The following ABTB2 variants were observed in gnomAD, a reference collection of about 807,000 sequenced individuals.
ABTB2 encodes ankyrin repeat and BTB/POZ domain-containing protein 2.
In ABTB2, 56 loss-of-function variants were observed where a neutral mutation model predicts 104.1. The observed-to-expected ratio is 0.54, with a 90% CI of 0.43 to 0.67. ABTB2 has a LOEUF of 0.67. Ranked by LOEUF, ABTB2 falls within the 30% of genes least tolerant of loss-of-function variation. The probability of loss-of-function intolerance (pLI) is 0.00; values close to 1 mark genes in which losing one functional copy is unlikely to be tolerated. For synonymous variants in ABTB2, 606 were observed against 608.2 expected, an observed-to-expected ratio of 1.00 and a Z score of 0.05; for missense variants, 1,279 against 1,407.7, an observed-to-expected ratio of 0.91 and a Z score of 1.46.
At chr11:34,173,577 G>A (rs1165275206) in intron 3 of ABTB2, among the ~76,000 whole-genome samples, 2 of 152,138 alleles carry the variant, frequency 1.3e-5, no homozygotes, top group Non-Finnish European at 2.9e-5. Context: ...TGCTCACAGA[G>A]ACCCCGACTA....
chr11:34,357,082 A>T lies in ABTB2; in HGVS notation c.502T>A (p.Trp168Arg). ...VQSAVRLVHS[W>R]ALAESCALAA... ...AGCGCGCAGCTCTCGGCCAGCGCCC[A>T]GCTGTGCACCAGGCGCACGGCGCTC... The change falls in exon 1 of 17, where the codon TGG (tryptophan) becomes AGG (arginine). Residue 168 changes from tryptophan to arginine, a missense_variant. Coordinates refer to ENST00000435224, the MANE Select transcript of ABTB2 (RefSeq NM_145804.3). 6.6e-7 allele frequency: 1 copy of T among 1,521,734 alleles called. No individual in the cohort carries two copies. Among genetic ancestry groups the T allele is most frequent in the East Asian group, 2.5e-5 (1 of 40,634 alleles). The allele number at this position is 1,521,734 out of a possible 1,614,324, so 94.3% of individuals were successfully genotyped here.
chr11:34,227,222 C>T (rs1183128935), intron 1 of ABTB2, among the ~76,000 whole-genome samples: 2 of 151,158 alleles, frequency 1.3e-5, no homozygotes, highest in African/African-American at 4.9e-5. Flanking sequence ...TGCAGTGAGC[C>T]CAGATTGCAC....
intron 2 of ABTB2, among the ~76,000 whole-genome samples, chr11:34,201,724 C>T (rs915583482): frequency 1.3e-5 from 2 of 152,332 alleles, no homozygotes; most frequent in Admixed American, 6.5e-5. Context: ...CTCCCTCCTC[C>T]ACAGCAGGTT....
intron 3 of ABTB2, among the ~76,000 whole-genome samples, chr11:34,182,509 G>A (rs1441675222): frequency 1.5e-5 from 2 of 137,054 alleles, no homozygotes; most frequent in African/African-American, 2.8e-5. Flanking sequence ...GGGGGGGGGG[G>A]AAATTCACTT....
At chr11:34,303,874 C>T (rs763947990) in intron 1 of ABTB2, among the ~76,000 whole-genome samples, 2 of 152,068 alleles carry the variant, frequency 1.3e-5, no homozygotes, top group Non-Finnish European at 1.5e-5. Context: ...AACTTCTGAC[C>T]TCAGGTAATC....
intron 1 of ABTB2, among the ~76,000 whole-genome samples, chr11:34,346,367 T>C (rs1855332243): frequency 6.6e-6 from 1 of 152,090 alleles, no homozygotes; most frequent in Non-Finnish European, 1.5e-5. Context: ...CGGAGCTGGA[T>C]CTCACCACAG....
chr11:34,172,548 G>A (rs963985161), intron 4 of ABTB2, among the ~76,000 whole-genome samples: 1 of 151,668 alleles, frequency 6.6e-6, no homozygotes, highest in African/African-American at 2.4e-5. Context: ...CAGCAAACAA[G>A]TCTACTGTGA....
At chr11:34,178,966 C>T (rs1042088494) in intron 3 of ABTB2, among the ~76,000 whole-genome samples, 5 of 151,686 alleles carry the variant, frequency 3.3e-5, no homozygotes, top group African/African-American at 1.2e-4. Context: ...GTCCAAGCTA[C>T]TCAGGAGGCT....
intron 1 of ABTB2, among the ~76,000 whole-genome samples, chr11:34,347,261 C>A (rs1855343587): frequency 6.6e-6 from 1 of 152,088 alleles, no homozygotes; most frequent in Non-Finnish European, 1.5e-5. Context: ...CATGGTGAAA[C>A]CCTGTCTCTA....
At chr11:34,317,013 G>A (rs1262085072) in intron 1 of ABTB2, among the ~76,000 whole-genome samples, 1 of 152,194 alleles carries the variant, frequency 6.6e-6, no homozygotes, top group Non-Finnish European at 1.5e-5. Flanking sequence ...AGGTACTCAG[G>A]GCGGTAGAGG....
intron 10 of ABTB2, among the ~76,000 whole-genome samples, chr11:34,161,736 C>T (rs1478921827): frequency 2.6e-5 from 4 of 152,182 alleles, no homozygotes; most frequent in Non-Finnish European, 4.4e-5. Flanking sequence ...ATAAACTAGT[C>T]CTGTCCCTGG....
At chr11:34,202,555 T>C (rs1293775659) in intron 2 of ABTB2, among the ~76,000 whole-genome samples, 4 of 152,180 alleles carry the variant, frequency 2.6e-5, no homozygotes, top group Admixed American at 1.3e-4. Flanking sequence ...AATGGGCAGC[T>C]TGGGGCTAGG....
At chr11:34,184,728 G>A (rs1853075286) in intron 3 of ABTB2, among the ~76,000 whole-genome samples, 1 of 152,250 alleles carries the variant, frequency 6.6e-6, no homozygotes, top group Admixed American at 6.5e-5. Flanking sequence ...ACACCCTTGG[G>A]TGGCAGGTGT....
chr11:34,306,236 A>ATT (rs34872949), intron 1 of ABTB2, among the ~76,000 whole-genome samples: 10,423 of 71,910 alleles, frequency 0.14, 2,257 homozygotes, highest in African/African-American at 0.2. Context: ...GGAAAGTTTG[A>ATT]TTTTTTTTTT....
chr11:34,284,945 C>T lies in ABTB2; in HGVS notation c.883+71756G>A, dbSNP rs560848575. Reference sequence around the variant, plus strand: ...CAGACTGGCCGTCCTCAGCCCAGGACCCTGGCCAGTCAATCAGCTGCCAGC... The same window carrying T: ...CAGACTGGCCGTCCTCAGCCCAGGATCCTGGCCAGTCAATCAGCTGCCAGC... On this transcript the variant is annotated intron_variant, in intron 1 of 16. Coordinates refer to ENST00000435224, the MANE Select transcript of ABTB2 (RefSeq NM_145804.3). Among the ~76,000 whole-genome samples, 30 of 152,322 alleles carry T rather than the reference C, an allele frequency of 2.0e-4. 1 individual carries two copies. The South Asian group carries it at 5.0e-3, about 25-fold the overall frequency.
At chr11:34,268,886 G>T (rs1285160956) in intron 1 of ABTB2, among the ~76,000 whole-genome samples, 1 of 152,134 alleles carries the variant, frequency 6.6e-6, no homozygotes, top group Non-Finnish European at 1.5e-5. Flanking sequence ...CATGTTGGAT[G>T]GGGGACCCAC....
Position 34,152,439 on chromosome 11 carries a change from T to C in ABTB2, c.3026A>G (p.Gln1009Arg). 6.3e-7 allele frequency: 1 copy of C among 1,596,648 alleles called. No homozygotes were observed. Among genetic ancestry groups the C allele is most frequent in the South Asian group, 1.1e-5 (1 of 88,110 alleles). The change falls in exon 17 of 17, where the codon CAG becomes CGG. Residue 1009 changes from glutamine to arginine, a missense_variant. Transcript: ENST00000435224. ...GTGCACGCGCTCTGCCAGGGTGTTC[T>C]GCAGGTCCTGCAGTGGATCCAGGCC... ...VQGLDPLQDL[Q>R]NTLAERVHSV...
chr11:34,330,703 G>A (rs1043767535), intron 1 of ABTB2, among the ~76,000 whole-genome samples: 4 of 152,216 alleles, frequency 2.6e-5, no homozygotes, highest in Admixed American at 1.3e-4. Flanking sequence ...TGAGGCATAG[G>A]GGTGCAAACC....
intron 1 of ABTB2, among the ~76,000 whole-genome samples, chr11:34,334,643 A>G (rs1461637655): frequency 6.6e-6 from 1 of 151,490 alleles, no homozygotes; most frequent in Non-Finnish European, 1.5e-5. Flanking sequence ...CCCTCCCCTA[A>G]TCCTTCCCTT....
Sources: allele counts gnomAD v4.1 joint callset (sites outside exome capture counted in the v4.1 genomes callset), GRCh38; gene constraint gnomAD v4.1.1; transcripts MANE v1.5; gene names NCBI Gene and HGNC (gene_info 2026-07-23, HGNC 2026-07-21).